The following RGS7 variants were observed in gnomAD, a reference collection of about 807,000 sequenced individuals.
RGS7 encodes regulator of G protein signaling 7.
RGS7 carries 27 observed loss-of-function variants against 81.1 expected under a neutral mutation model. The observed-to-expected ratio is 0.33, with a 90% CI of 0.25 to 0.46. The LOEUF (loss-of-function observed/expected upper bound fraction) is 0.46. Ranked by LOEUF, RGS7 falls within the 20% of genes least tolerant of loss-of-function variation. RGS7 has a pLI of 1.00. For synonymous variants in RGS7, 208 were observed against 207.7 expected (o/e 1.00, Z -0.01); for missense variants, 396 against 607.4 (o/e 0.65, Z 3.66).
At chr1:240,877,442 A>G (rs1448795845) in intron 6 of RGS7, among the ~76,000 whole-genome samples, 1 of 151,846 alleles carries the variant, frequency 6.6e-6, no homozygotes, top group Non-Finnish European at 1.5e-5. Flanking sequence ...ACATATGAAT[A>G]TCTGTTTATA....
At chr1:240,850,153 A>T (rs1659843480) in intron 9 of RGS7, among the ~76,000 whole-genome samples, 1 of 152,134 alleles carries the variant, frequency 6.6e-6, no homozygotes, top group Non-Finnish European at 1.5e-5. Flanking sequence ...TTGTGCTCTG[A>T]TTTATTGTTC....
At chr1:241,320,828 T>C (rs1303297765) in intron 2 of RGS7, among the ~76,000 whole-genome samples, 1 of 152,166 alleles carries the variant, frequency 6.6e-6, no homozygotes, top group East Asian at 1.9e-4. Context: ...AGGGGTGCTG[T>C]GGGGTGTGGG....
chr1:241,302,626 A>G (rs1206683498), intron 2 of RGS7, among the ~76,000 whole-genome samples: 1 of 152,208 alleles, frequency 6.6e-6, no homozygotes, highest in African/African-American at 2.4e-5. Flanking sequence ...CAGTAAAACA[A>G]ATTACTTTGA....
chr1:241,070,396 T>C (rs2062366277), intron 3 of RGS7, among the ~76,000 whole-genome samples: 1 of 152,078 alleles, frequency 6.6e-6, no homozygotes, highest in Non-Finnish European at 1.5e-5. Context: ...ATTTATGACT[T>C]TTCACTTTCG....
intron 6 of RGS7, among the ~76,000 whole-genome samples, chr1:240,870,544 C>T (rs1042436171): frequency 9.2e-5 from 14 of 152,152 alleles, no homozygotes; most frequent in Non-Finnish European, 1.8e-4. Context: ...AGCAGCTTCT[C>T]GCTTTGTTGC....
chr1:240,940,669 T>G (rs1290399832), intron 4 of RGS7, among the ~76,000 whole-genome samples: 1 of 152,130 alleles, frequency 6.6e-6, no homozygotes, highest in Non-Finnish European at 1.5e-5. Flanking sequence ...AAGAGGAGCT[T>G]CTGAGTTCTA....
At chr1:240,902,814 T>C (rs932253158) in intron 6 of RGS7, among the ~76,000 whole-genome samples, 2 of 152,206 alleles carry the variant, frequency 1.3e-5, no homozygotes, top group Non-Finnish European at 2.9e-5. Flanking sequence ...TAAATGATAT[T>C]AGTAACTTAT....
intron 3 of RGS7, among the ~76,000 whole-genome samples, chr1:241,034,443 C>G (rs2060232968): frequency 6.6e-6 from 1 of 152,124 alleles, no homozygotes; most frequent in Admixed American, 6.5e-5. Context: ...TTATCAAGCA[C>G]TGAATAAAGC....
intron 15 of RGS7, among the ~76,000 whole-genome samples, chr1:240,805,232 A>T (rs948907830): frequency 6.6e-6 from 1 of 152,062 alleles, no homozygotes; most frequent in African/African-American, 2.4e-5. Flanking sequence ...AAATAAAAAA[A>T]AATTAGCCAG....
rs985500377 is a variant in RGS7, at chr1:241,005,027, A to C, written c.176-21898T>G. Among the ~76,000 whole-genome samples the C allele has an allele frequency of 4.6e-5, 7 of 152,296 alleles. No homozygotes were observed. The East Asian group carries it at 7.7e-4, about 17-fold the overall frequency. On this transcript the variant is annotated intron_variant, in intron 3 of 18. Transcript: ENST00000440928. Reference sequence around the variant, plus strand: ...CGTGGTAAGTGCTAGGACAGACTTAAGAACAGCCGCCTACAGGCTCACATA... The same window carrying C: ...CGTGGTAAGTGCTAGGACAGACTTACGAACAGCCGCCTACAGGCTCACATA...
At chr1:241,309,976 C>A (rs1226218811) in intron 2 of RGS7, among the ~76,000 whole-genome samples, 1 of 152,160 alleles carries the variant, frequency 6.6e-6, no homozygotes, top group Non-Finnish European at 1.5e-5. Flanking sequence ...TCCTGAATAA[C>A]CCTAGTGAGT....
intron 10 of RGS7, among the ~76,000 whole-genome samples, chr1:240,821,425 C>A (rs1383063882): frequency 6.6e-6 from 1 of 152,210 alleles, no homozygotes; most frequent in African/African-American, 2.4e-5. Context: ...GCACCCCAGC[C>A]TGGGCAAGAC....
intron 2 of RGS7, among the ~76,000 whole-genome samples, chr1:241,268,617 A>T (rs28712855): frequency 0.12 from 18,568 of 152,040 alleles, 1,271 homozygotes; most frequent in Middle Eastern, 0.18. Context: ...GAGATACGAG[A>T]GGGAAAGTGG....
At chr1:241,018,697 G>A (rs1423597543) in intron 3 of RGS7, among the ~76,000 whole-genome samples, 1 of 152,014 alleles carries the variant, frequency 6.6e-6, no homozygotes, top group Non-Finnish European at 1.5e-5. Flanking sequence ...CTCATTTAGT[G>A]AGACTTTTTC....
intron 2 of RGS7, among the ~76,000 whole-genome samples, chr1:241,201,670 T>C (rs1488397215): frequency 6.6e-6 from 1 of 152,160 alleles, no homozygotes; most frequent in Non-Finnish European, 1.5e-5. Flanking sequence ...TTTGTCTACT[T>C]TGTGTCAAGC....
intron 3 of RGS7, among the ~76,000 whole-genome samples, chr1:241,080,927 T>A (rs12073822): frequency 0.063 from 9,600 of 152,206 alleles, 378 homozygotes; most frequent in East Asian, 0.14. Context: ...CCTAATTTAA[T>A]TTATGGCCTG....
chr1:240,852,979 C>T (rs1052845954), intron 9 of RGS7, among the ~76,000 whole-genome samples: 4 of 152,172 alleles, frequency 2.6e-5, no homozygotes, highest in Non-Finnish European at 4.4e-5. Flanking sequence ...GTGTTAAGAA[C>T]TGGTGGTGAA....
intron 3 of RGS7, among the ~76,000 whole-genome samples, chr1:241,015,700 A>G (rs768993121): frequency 2.0e-5 from 3 of 152,224 alleles, no homozygotes; most frequent in Non-Finnish European, 4.4e-5. Context: ...TATCAAGTGA[A>G]TTTATGTAAG....
At chr1:241,162,222 G>GCCCCCCCCCACGCCC (rs68166816) in intron 2 of RGS7, among the ~76,000 whole-genome samples, 1 of 142,028 alleles carries the variant, frequency 7.0e-6, no homozygotes, top group Non-Finnish European at 1.6e-5. Flanking sequence ...CTGGTGATCA[G>GCCCCCCCCCACGCCC]CTTCCAAATA....
Sources: gnomAD v4.1 joint callset for allele counts (sites outside exome capture counted in the v4.1 genomes callset) on GRCh38, gnomAD v4.1.1 for gene constraint, MANE v1.5 for transcripts, NCBI Gene and HGNC (gene_info 2026-07-23, HGNC 2026-07-21) for gene names.